Variants in PSMA8 observed in about 807,000 individuals in gnomAD.
The protein encoded by PSMA8 is proteasome 20S subunit alpha 8, also known as proteasome subunit alpha-type 8.
In PSMA8, 18 loss-of-function variants were observed where a neutral mutation model predicts 32.4. That is an observed-to-expected ratio of 0.56 (90% CI 0.38 to 0.82). The LOEUF (loss-of-function observed/expected upper bound fraction) is 0.82. Among genes scored for constraint, PSMA8 ranks in the 40% least tolerant of loss-of-function variants. The probability of loss-of-function intolerance (pLI) is 0.00; values close to 1 mark genes in which losing one functional copy is unlikely to be tolerated. For synonymous variants in PSMA8, 104 were observed against 98.1 expected (o/e 1.06, Z -0.36); for missense variants, 298 against 300.7 (o/e 0.99, Z 0.07).
rs144881954 is a variant in PSMA8, at chr18:26,174,105, G to A, written c.478-4725G>A. Among the ~76,000 whole-genome samples the A allele has an allele frequency of 3.3e-3, 502 of 152,238 alleles. 3 individuals are homozygous for A. The highest frequency in any genetic ancestry group is 0.011 in the African/African-American group (470 of 41,546). On this transcript the variant is annotated intron_variant, in intron 4 of 6. Transcript: ENST00000415576. ...GGAAGTTTGTGTTTTAAGCATTCAA[G>A]TTTCATTTTACAGCAAACACTAATC... is the stretch of plus-strand genomic sequence containing the variant.
chr18:26,165,098 CG>C (rs2055167465), intron 4 of PSMA8, among the ~76,000 whole-genome samples: 1 of 151,636 alleles, frequency 6.6e-6, no homozygotes, highest in African/African-American at 2.4e-5. Context: ...TTAGGAGAGA[CG>C]GGGTTTCACG....
At chr18:26,167,401 A>G (rs1022272273) in intron 4 of PSMA8, among the ~76,000 whole-genome samples, 1 of 152,240 alleles carries the variant, frequency 6.6e-6, no homozygotes, top group Non-Finnish European at 1.5e-5. Context: ...GACAGGAAGT[A>G]TATTTGTACC....
chr18:26,159,612 T>C (rs556211496), intron 4 of PSMA8, among the ~76,000 whole-genome samples: 1 of 152,154 alleles, frequency 6.6e-6, no homozygotes, highest in Non-Finnish European at 1.5e-5. Flanking sequence ...CACAACATTT[T>C]CCAGGTTTAC....
At chr18:26,147,005 G>C (rs1373307770) in intron 2 of PSMA8, among the ~76,000 whole-genome samples, 1 of 151,868 alleles carries the variant, frequency 6.6e-6, no homozygotes, top group Non-Finnish European at 1.5e-5. Context: ...GAGAGAGAAG[G>C]GAGAGGTGCC....
intron 6 of PSMA8, among the ~76,000 whole-genome samples, chr18:26,187,074 G>A (rs1051581266): frequency 2.6e-5 from 4 of 152,222 alleles, no homozygotes; most frequent in East Asian, 1.9e-4. Flanking sequence ...GCTGGGCACC[G>A]TGGTTCATGC....
At chr18:26,143,330 T>C (rs1278937961) in intron 1 of PSMA8, among the ~76,000 whole-genome samples, 1 of 151,876 alleles carries the variant, frequency 6.6e-6, no homozygotes, top group Non-Finnish European at 1.5e-5. Flanking sequence ...TCTGAGTGAG[T>C]GTGTGTGTGT....
chr18:26,177,835 C>T (rs9949623), intron 4 of PSMA8, among the ~76,000 whole-genome samples: 8,335 of 152,074 alleles, frequency 0.055, 676 homozygotes, highest in African/African-American at 0.18. Context: ...ATTTTTTTCC[C>T]CTCTCTTTGC....
intron 6 of PSMA8, among the ~76,000 whole-genome samples, chr18:26,191,399 C>T (rs143540060): frequency 0.019 from 2,844 of 151,762 alleles, 68 homozygotes; most frequent in African/African-American, 0.053. Context: ...GAGGCTGAGG[C>T]GGGCAGATCA....
Position 26,151,261 on chromosome 18 carries a change from A to C in PSMA8, c.230-597A>C, listed in dbSNP as rs192926192. ...GCAATTTAGTTAGTATTAAGAGAGG[A>C]GGGAAAGAAACAAAGTGGACATGGA... On this transcript the variant is annotated intron_variant, in intron 2 of 6. Transcript: ENST00000415576. 1.9e-3 allele frequency among the ~76,000 whole-genome samples: 286 copies of C among 152,310 alleles called. 1 individual carries two copies. The highest frequency in any genetic ancestry group is 6.5e-3 in the African/African-American group (272 of 41,564).
chr18:26,153,269 C>G (rs2055060972), intron 3 of PSMA8, among the ~76,000 whole-genome samples: 1 of 151,904 alleles, frequency 6.6e-6, no homozygotes, highest in Admixed American at 6.6e-5. Flanking sequence ...CTCTCTTATT[C>G]TCTCTCTGCT....
intron 2 of PSMA8, among the ~76,000 whole-genome samples, chr18:26,151,366 T>C (rs1433312951): frequency 1.3e-5 from 2 of 152,232 alleles, no homozygotes; most frequent in African/African-American, 2.4e-5. Flanking sequence ...GTTGCTCTTT[T>C]GATAGAAACA....
intron 4 of PSMA8, among the ~76,000 whole-genome samples, chr18:26,163,787 T>A (rs546453629): frequency 6.6e-5 from 10 of 152,338 alleles, no homozygotes; most frequent in African/African-American, 2.4e-4. Context: ...CAATCTGATT[T>A]ATACTTTTAA....
At chr18:26,154,877 AGT>A (rs1223780271) in intron 3 of PSMA8, among the ~76,000 whole-genome samples, 3 of 151,918 alleles carry the variant, frequency 2.0e-5, no homozygotes, top group Admixed American at 6.5e-5. Flanking sequence ...AGCCTTCCGA[AGT>A]GCTGGGATTA....
intron 6 of PSMA8, among the ~76,000 whole-genome samples, chr18:26,183,434 C>T (rs2055328585): frequency 6.7e-6 from 1 of 150,210 alleles, no homozygotes; most frequent in African/African-American, 2.5e-5. Context: ...TCAACATTAA[C>T]AGGAGTTTAG....
In PSMA8 at chr18:26,143,786, A is replaced by G. The variant is rs8088517; in HGVS notation, c.103-773A>G. Among the ~76,000 whole-genome samples the G allele has an allele frequency of 9.4e-3, 1,423 of 152,110 alleles. 19 individuals are homozygous for G. The highest frequency in any genetic ancestry group is 0.033 in the African/African-American group (1,365 of 41,474). ...GCCCAGGCTGGAGTGCAGTGGCGCAATCTCTGCTTACTGCAAGCTCTGCTT... is the reference window on the plus strand; with the variant it reads ...GCCCAGGCTGGAGTGCAGTGGCGCAGTCTCTGCTTACTGCAAGCTCTGCTT... On this transcript the variant is annotated intron_variant, in intron 1 of 6. Transcript: ENST00000415576.
chr18:26,146,096 C>T (rs149474989), intron 2 of PSMA8, among the ~76,000 whole-genome samples: 19 of 150,876 alleles, frequency 1.3e-4, no homozygotes, highest in African/African-American at 2.9e-4. Flanking sequence ...ATTTCCCTCA[C>T]GGCTAATAAT....
At chr18:26,180,760 G>A (rs1449289984) in intron 6 of PSMA8, among the ~76,000 whole-genome samples, 1 of 151,872 alleles carries the variant, frequency 6.6e-6, no homozygotes, top group Non-Finnish European at 1.5e-5. Flanking sequence ...GCTTTTGAGT[G>A]ATAGAATGGT....
chr18:26,189,282 C>T (rs1187344879), intron 6 of PSMA8, among the ~76,000 whole-genome samples: 1 of 152,138 alleles, frequency 6.6e-6, no homozygotes, highest in Non-Finnish European at 1.5e-5. Context: ...AATCCCAGCA[C>T]TTTGGGAGGC....
intron 1 of PSMA8, among the ~76,000 whole-genome samples, chr18:26,141,718 T>C (rs577450638): frequency 3.3e-4 from 49 of 146,306 alleles, no homozygotes; most frequent in African/African-American, 4.5e-4. Context: ...TTTTTCTTTT[T>C]TTTTTTTTTT....
Sources: gnomAD v4.1 joint callset for allele counts (sites outside exome capture counted in the v4.1 genomes callset) on GRCh38, gnomAD v4.1.1 for gene constraint, MANE v1.5 for transcripts, NCBI Gene and HGNC (gene_info 2026-07-23, HGNC 2026-07-21) for gene names.